The following EML4 variants were observed in gnomAD, a reference collection of about 807,000 sequenced individuals.
The protein encoded by EML4 is echinoderm microtubule-associated protein-like 4.
Under a neutral mutation model 129.0 loss-of-function variants are expected in EML4, and 72 were observed. That is an observed-to-expected ratio of 0.56 (90% CI 0.46 to 0.68). The LOEUF (loss-of-function observed/expected upper bound fraction) is 0.68. EML4 is among the 30% of genes least tolerant of loss of function. The probability of loss-of-function intolerance (pLI) is 0.00; values close to 1 mark genes in which losing one functional copy is unlikely to be tolerated. For missense variants in EML4, 1,363 were observed against 1,190.6 expected (o/e 1.14, Z -2.13); for synonymous variants, 532 against 405.0 (o/e 1.31, Z -3.77).
intron 1 of EML4, among the ~76,000 whole-genome samples, chr2:42,244,094 G>GTTTT (rs898798718): frequency 6.5e-4 from 29 of 44,936 alleles, no homozygotes; most frequent in Non-Finnish European, 9.6e-4. Flanking sequence ...TTTTGTTTTT[G>GTTTT]TTTTTTGTTT....
chr2:42,254,719 C>G (rs755743162), intron 2 of EML4, among the ~76,000 whole-genome samples: 1 of 151,950 alleles, frequency 6.6e-6, no homozygotes, highest in African/African-American at 2.4e-5. Context: ...GGCGCAGCCA[C>G]TGTGTTTGGC....
In EML4 at chr2:42,284,777, C is replaced by T. The variant is rs535987452; in HGVS notation, c.1011+74C>T. On this transcript the variant is annotated intron_variant, in intron 9 of 22. Transcript: ENST00000318522. The stretch of plus-strand genomic sequence containing the variant: ...GAGTGGAATCTATTGTAATTTTAAC[C>T]ACAACTCATTTGTTTTATTCTTTTA... 6 of 1,081,926 alleles carry T rather than the reference C, an allele frequency of 5.5e-6. No individual in the cohort carries two copies. The South Asian group carries it at 7.0e-5, about 13-fold the overall frequency. The allele number at this position is 1,081,926 out of a possible 1,614,324, so 67.0% of individuals were successfully genotyped here. A position where few individuals can be genotyped will look rare whatever the true frequency, so the allele number is the denominator to read the frequency against.
At chr2:42,282,399 T>TGGGGGG (rs1553384225) in intron 7 of EML4, among the ~76,000 whole-genome samples, 1 of 49,236 alleles carries the variant, frequency 2.0e-5, no homozygotes, top group African/African-American at 8.2e-5. Context: ...GGTGGAGGGG[T>TGGGGGG]GGGGGTGGGC....
chr2:42,313,790 G>A (rs1189389084), intron 17 of EML4, among the ~76,000 whole-genome samples: 2 of 151,990 alleles, frequency 1.3e-5, no homozygotes, highest in Admixed American at 6.6e-5. Context: ...TTATCTGGGC[G>A]TGGTGGCACA....
At chr2:42,285,279 T>C (rs547539470) in intron 9 of EML4, among the ~76,000 whole-genome samples, 3 of 152,302 alleles carry the variant, frequency 2.0e-5, no homozygotes, top group African/African-American at 7.2e-5. Flanking sequence ...TTTAATATTA[T>C]TCAGTTGGTT....
intron 1 of EML4, among the ~76,000 whole-genome samples, chr2:42,174,236 A>G (rs974272839): frequency 5.3e-5 from 8 of 152,166 alleles, no homozygotes; most frequent in African/African-American, 1.9e-4. Context: ...TAGGGAAAGA[A>G]TCTACTTCAT....
At chr2:42,285,204 GC>G in intron 9 of EML4, among the ~76,000 whole-genome samples, 1 of 152,106 alleles carries the variant, frequency 6.6e-6, no homozygotes, top group Non-Finnish European at 1.5e-5. Context: ...GTGCCACCAT[GC>G]CCGGCTAACT....
At chr2:42,289,659 G>C (rs968412684) in intron 11 of EML4, 1 of 152,028 alleles carries the variant, frequency 6.6e-6, no homozygotes, top group Non-Finnish European at 1.5e-5. Flanking sequence ...CATCATTCAT[G>C]GCTCTTTTTA....
In EML4 at chr2:42,330,197, C is replaced by G; in HGVS notation, c.2936C>G (p.Pro979Arg). Reference protein sequence around the residue: ...TLLEDQQDPSPSS With the variant: ...TLLEDQQDPSRSS ...CTGGAGGACCAGCAAGACCCTTCGC[C>G]CTCGTCCTAACACCCTGGCTTCAGT... is the stretch of plus-strand genomic sequence containing the variant. The change falls in exon 23 of 23, where the codon CCC (proline) becomes CGC (arginine). Residue 979 changes from proline to arginine, a missense_variant. By Grantham distance (103) the Pro-to-Arg change is moderately radical. Coordinates refer to ENST00000318522, the MANE Select transcript of EML4 (RefSeq NM_019063.5). 6.2e-7 allele frequency: 1 copy of G among 1,612,752 alleles called. No homozygotes were observed. The highest frequency in any genetic ancestry group is 1.1e-5 in the South Asian group (1 of 90,968).
chr2:42,226,168 A>AG (rs1673944343), intron 1 of EML4, among the ~76,000 whole-genome samples: 1 of 152,060 alleles, frequency 6.6e-6, no homozygotes, highest in Admixed American at 6.5e-5. Flanking sequence ...AGTCATTTAT[A>AG]GTAGATTGAA....
intron 17 of EML4, among the ~76,000 whole-genome samples, chr2:42,315,698 AC>A (rs1402732047): frequency 6.6e-6 from 1 of 152,064 alleles, no homozygotes; most frequent in Admixed American, 6.6e-5. Flanking sequence ...ACATAGTAAG[AC>A]CCCATCTCTA....
At chr2:42,316,824 AG>A (rs1669269267) in intron 18 of EML4, among the ~76,000 whole-genome samples, 1 of 152,264 alleles carries the variant, frequency 6.6e-6, no homozygotes, top group African/African-American at 2.4e-5. Context: ...AGGAAGGAAA[AG>A]TATGTACTTT....
intron 1 of EML4, among the ~76,000 whole-genome samples, chr2:42,170,587 C>T (rs1041459159): frequency 5.3e-5 from 8 of 152,156 alleles, no homozygotes; most frequent in African/African-American, 1.9e-4. Flanking sequence ...ATTCGCTGCC[C>T]TAGAAGCTGA....
At chr2:42,256,426 G>C (rs1676154350) in intron 2 of EML4, 75 bp from the exon 3 acceptor site, 1 of 1,444,250 alleles carries the variant, frequency 6.9e-7, no homozygotes, top group Non-Finnish European at 9.3e-7. Flanking sequence ...CTTCCAAATG[G>C]ACTTAATTTT....
intron 1 of EML4, among the ~76,000 whole-genome samples, chr2:42,243,860 AT>A (rs1675193914): frequency 6.6e-6 from 1 of 152,156 alleles, no homozygotes; most frequent in Non-Finnish European, 1.5e-5. Context: ...TCCATAGCAT[AT>A]TATCTCAGTG....
Position 42,329,769 on chromosome 2 carries a change from TG to T in EML4, c.2509del (p.Val837SerfsTer13). On this transcript the variant is annotated frameshift_variant, in exon 23 of 23. Coordinates refer to ENST00000318522, the MANE Select transcript of EML4 (RefSeq NM_019063.5). LOFTEE classifies it high-confidence loss of function. Reference sequence around the variant, plus strand: ...ACAAGTACAGTGCCCACAGCAGCCATGTCACCAATGTCAGTTTTACTCACAA... The same window carrying T: ...ACAAGTACAGTGCCCACAGCAGCCATTCACCAATGTCAGTTTTACTCACAA... ...SHKYSAHSSH[V>X]TNVSFTHNDS... 6.2e-7 allele frequency: 1 copy of T among 1,614,170 alleles called. No homozygotes were observed. The highest frequency in any genetic ancestry group is 8.5e-7 in the Non-Finnish European group (1 of 1,180,002).
At chr2:42,228,897 CAAAT>C (rs1052569191) in intron 1 of EML4, among the ~76,000 whole-genome samples, 7 of 152,268 alleles carry the variant, frequency 4.6e-5, no homozygotes, top group Middle Eastern at 3.4e-3. Context: ...AAATGATTAT[CAAAT>C]AAATAACATA....
At chr2:42,321,232 A>T (rs1224713042) in intron 19 of EML4, among the ~76,000 whole-genome samples, 1 of 151,918 alleles carries the variant, frequency 6.6e-6, no homozygotes, top group African/African-American at 2.4e-5. Context: ...AAATACAAAA[A>T]ATTAGCCGGG....
chr2:42,330,076 G>C lies in EML4; in HGVS notation c.2815G>C (p.Glu939Gln). ...TGTGGAGCCAAGTGAAGACCACAGC[G>C]AGGAGGAGAGTGAAGAGGGCAGCGG... is the stretch of plus-strand genomic sequence containing the variant. ...QTVEPSEDHSEEESEEGSGDL... is the reference protein window; with the variant it reads ...QTVEPSEDHSQEESEEGSGDL... Residue 939 changes from glutamate to glutamine, a missense_variant, in exon 23 of 23, where the codon GAG (glutamate) becomes CAG (glutamine). Transcript: ENST00000318522. 6.2e-7 allele frequency: 1 copy of C among 1,613,090 alleles called. No individual in the cohort carries two copies. The highest frequency in any genetic ancestry group is 8.5e-7 in the Non-Finnish European group (1 of 1,179,876).
Sources: gnomAD v4.1 joint callset for allele counts (sites outside exome capture counted in the v4.1 genomes callset) on GRCh38, gnomAD v4.1.1 for gene constraint, MANE v1.5 for transcripts, NCBI Gene and HGNC (gene_info 2026-07-23, HGNC 2026-07-21) for gene names.